Variants in SAMMSON observed in about 807,000 individuals in gnomAD.
The protein encoded by SAMMSON is survival associated mitochondrial melanoma specific oncogenic non-coding RNA.
intron 4 of SAMMSON, among the ~76,000 whole-genome samples, chr3:70,170,779 A>G (rs1050366534): frequency 6.6e-6 from 1 of 151,860 alleles, no homozygotes; most frequent in African/African-American, 2.4e-5. Flanking sequence ...TTCCAAATAG[A>G]AGGGAAAATC....
chr3:70,030,622 C>T (rs1210663936), intron 3 of SAMMSON: 1 of 152,082 alleles, frequency 6.6e-6, no homozygotes, highest in Non-Finnish European at 1.5e-5. Flanking sequence ...AAATGAACTC[C>T]ATAGGTCTGT....
At chr3:70,108,669 G>C (rs2067377146) in intron 4 of SAMMSON, among the ~76,000 whole-genome samples, 1 of 151,400 alleles carries the variant, frequency 6.6e-6, no homozygotes, top group Non-Finnish European at 1.5e-5. Context: ...TGAGATTAGT[G>C]CTTTTGTAAG....
At chr3:70,045,683 G>A (rs2067124202) in intron 3 of SAMMSON, among the ~76,000 whole-genome samples, 1 of 151,992 alleles carries the variant, frequency 6.6e-6, no homozygotes, top group South Asian at 2.1e-4. Flanking sequence ...AGAAGCTCGG[G>A]TTTTAAATTG....
At chr3:70,294,651 C>G (rs975740726) in intron 7 of SAMMSON, among the ~76,000 whole-genome samples, 3 of 151,996 alleles carry the variant, frequency 2.0e-5, no homozygotes, top group Non-Finnish European at 4.4e-5. Flanking sequence ...CAAACAGGCT[C>G]AAAAAATAAA....
intron 3 of SAMMSON, among the ~76,000 whole-genome samples, chr3:70,062,973 A>G (rs937650652): frequency 6.6e-6 from 1 of 152,126 alleles, no homozygotes; most frequent in East Asian, 1.9e-4. Context: ...ATTTTTGAAA[A>G]TGTTGACTTC....
chr3:70,088,279 T>A (rs1435004476), intron 4 of SAMMSON, among the ~76,000 whole-genome samples: 1 of 152,206 alleles, frequency 6.6e-6, no homozygotes, highest in African/African-American at 2.4e-5. Context: ...ATATATGTGT[T>A]CTGATTGATT....
At chr3:70,038,171 G>A (rs1245046300) in intron 3 of SAMMSON, among the ~76,000 whole-genome samples, 2 of 152,196 alleles carry the variant, frequency 1.3e-5, no homozygotes, top group African/African-American at 2.4e-5. Flanking sequence ...GATCCCCAAT[G>A]TGGCAGTGTT....
At chr3:70,337,429 T>C (rs1200425697) in intron 7 of SAMMSON, among the ~76,000 whole-genome samples, 2 of 151,764 alleles carry the variant, frequency 1.3e-5, no homozygotes, top group Non-Finnish European at 2.9e-5. Context: ...TTCCCTATTG[T>C]ATATTCTGCT....
chr3:70,110,083 A>C (rs2067382402), intron 4 of SAMMSON, among the ~76,000 whole-genome samples: 1 of 152,188 alleles, frequency 6.6e-6, no homozygotes, highest in Admixed American at 6.5e-5. Context: ...TAGGAGAGGC[A>C]CCCAACCTAG....
In SAMMSON at chr3:70,254,896, A is replaced by G. The variant is rs71298334; in HGVS notation, n.674+5226A>G. Among the ~76,000 whole-genome samples, 783 of 152,272 alleles carry G rather than the reference A, an allele frequency of 5.1e-3. 3 individuals carry two copies. Among genetic ancestry groups the G allele is most frequent in the Non-Finnish European group, 8.7e-3 (595 of 68,014 alleles). On this transcript the variant is annotated intron_variant and non_coding_transcript_variant, in intron 6 of 9. Transcript: ENST00000642114. ...GCATATTATATAAAATTGTCATTGT[A>G]TTTCCTTTTCCGACTGTAACATTCC...
At chr3:70,190,383 T>A (rs1701122210) in intron 4 of SAMMSON, among the ~76,000 whole-genome samples, 1 of 152,142 alleles carries the variant, frequency 6.6e-6, no homozygotes, top group African/African-American at 2.4e-5. Context: ...TCCACCACTT[T>A]AATCATGTAA....
intron 3 of SAMMSON, among the ~76,000 whole-genome samples, chr3:70,027,178 T>C (rs1431619476): frequency 6.6e-6 from 1 of 152,210 alleles, no homozygotes; most frequent in Non-Finnish European, 1.5e-5. Flanking sequence ...CTAAAATATT[T>C]GTGTCCTATT....
chr3:70,264,738 CAG>C (rs1701899761), intron 6 of SAMMSON, among the ~76,000 whole-genome samples: 1 of 152,182 alleles, frequency 6.6e-6, no homozygotes, highest in South Asian at 2.1e-4. Context: ...AAATATTAAA[CAG>C]GGAATAATAG....
At chr3:70,263,059 C>T (rs982886934) in intron 6 of SAMMSON, among the ~76,000 whole-genome samples, 2 of 152,072 alleles carry the variant, frequency 1.3e-5, no homozygotes, top group Non-Finnish European at 2.9e-5. Context: ...TAATTCATCT[C>T]TCTCTTTATG....
intron 6 of SAMMSON, among the ~76,000 whole-genome samples, chr3:70,279,105 T>G (rs973155099): frequency 1.3e-5 from 2 of 150,256 alleles, no homozygotes; most frequent in Non-Finnish European, 3.0e-5. Context: ...AATGACATAC[T>G]AGATAGATTA....
chr3:70,342,511 G>A (rs1047799671), intron 7 of SAMMSON, among the ~76,000 whole-genome samples: 3 of 152,104 alleles, frequency 2.0e-5, no homozygotes, highest in African/African-American at 7.2e-5. Flanking sequence ...CAAAGTATTT[G>A]TCTTAGTGTC....
At chr3:70,230,920 C>T (rs1212971487) in intron 4 of SAMMSON, among the ~76,000 whole-genome samples, 1 of 152,174 alleles carries the variant, frequency 6.6e-6, no homozygotes, top group Non-Finnish European at 1.5e-5. Context: ...CAAACTTCCA[C>T]TTTTCAATTT....
Position 70,294,698 on chromosome 3 carries a change from A to C in SAMMSON, n.739+3455A>C, listed in dbSNP as rs111878803. On this transcript the variant is annotated intron_variant and non_coding_transcript_variant, in intron 7 of 9. Transcript: ENST00000642114. Reference sequence around the variant, plus strand: ...CTCATATATCCATTTTAAAGGTAGAATGGCTCGAGGATTGATTAAATCAAT... The same window carrying C: ...CTCATATATCCATTTTAAAGGTAGACTGGCTCGAGGATTGATTAAATCAAT... 1.6e-4 allele frequency among the ~76,000 whole-genome samples: 25 copies of C among 152,276 alleles called. 1 individual carries two copies. Among genetic ancestry groups the C allele is most frequent in the African/African-American group, 5.3e-4 (22 of 41,552 alleles).
intron 6 of SAMMSON, among the ~76,000 whole-genome samples, chr3:70,282,818 C>T (rs185953502): frequency 7.2e-5 from 11 of 152,192 alleles, no homozygotes; most frequent in Middle Eastern, 3.4e-3. Context: ...TTGGTTTATT[C>T]CTTATGAAGG....
Sources: allele counts gnomAD v4.1 joint callset (sites outside exome capture counted in the v4.1 genomes callset), GRCh38; gene constraint gnomAD v4.1.1; transcripts MANE v1.5; gene names NCBI Gene and HGNC (gene_info 2026-07-23, HGNC 2026-07-21).